BRCA2: variants seen among roughly 807,000 people sequenced by gnomAD.
The protein encoded by BRCA2 is BRCA2 DNA repair associated.
In BRCA2, 203 loss-of-function variants were observed where a neutral mutation model predicts 276.7. That is an observed-to-expected ratio of 0.73 (90% confidence interval 0.65 to 0.82). The LOEUF is 0.82. Among genes scored for constraint, BRCA2 ranks in the 40% least tolerant of loss-of-function variants. The pLI is 0.00. For synonymous variants in BRCA2, 1,289 were observed against 1,338.4 expected, an observed-to-expected ratio of 0.96 and a Z score of 0.81; for missense variants, 3,920 against 3,915.0, an observed-to-expected ratio of 1.00 and a Z score of -0.03.
In BRCA2 at chr13:32,341,055, T is replaced by C. The variant is rs769956199; in HGVS notation, c.6700T>C (p.Phe2234Leu). The C allele has an allele frequency of 6.2e-7, 1 of 1,613,962 alleles. No individual in the cohort carries two copies. The highest frequency in any genetic ancestry group is 1.7e-5 in the Admixed American group (1 of 60,026). ...AGAAGCAGTAGAAATTGCTAAAGCT[T>C]TTATGGAAGATGATGAACTGACAGA... The part of the protein sequence containing the change: ...ETEAVEIAKA[F>L]MEDDELTDSK... Residue 2234 changes from phenylalanine to leucine, a missense_variant, in exon 11 of 27, where the codon TTT becomes CTT. Physicochemically the swap from Phe to Leu is conservative, Grantham distance 22. Transcript: ENST00000380152.
In BRCA2 at chr13:32,315,536, G is replaced by A. The variant is rs780819072; in HGVS notation, c.-171G>A. 2 of 152,294 alleles carry A rather than the reference G, an allele frequency of 1.3e-5. No individual in the cohort carries two copies. The highest frequency in any genetic ancestry group is 4.8e-5 in the African/African-American group (2 of 41,476). The allele number at this position is 152,294 out of a possible 1,614,324, so 9.4% of individuals were successfully genotyped here. A position where few individuals can be genotyped will look rare whatever the true frequency, so the allele number is the denominator to read the frequency against. On this transcript the variant is annotated 5_prime_UTR_variant, in exon 1 of 27. Coordinates refer to ENST00000380152, the MANE Select transcript of BRCA2 (RefSeq NM_000059.4). ...GGCGGAGCCGCTGTGGCACTGCTGC[G>A]CCTCTGCTGCGCCTCGGGTGTCTTT...
intron 20 of BRCA2, among the ~76,000 whole-genome samples, chr13:32,371,722 A>G (rs553470835): frequency 2.0e-5 from 3 of 152,334 alleles, no homozygotes; most frequent in Admixed American, 6.5e-5. Flanking sequence ...ATTCACAGGC[A>G]TACCTCAGAG....
At position 32,321,334 on chromosome 13, in the gene BRCA2, T is replaced by A. The variant is rs188221073; in HGVS notation, c.316+2009T>A. On this transcript the variant is annotated intron_variant, in intron 3 of 26. Transcript: ENST00000380152. Reference sequence around the variant, plus strand: ...CTAAGTACTCAGTCTCGTAAGCACGTCTTGTAAGCACATCTTGGTTGCTTC... The same window carrying A: ...CTAAGTACTCAGTCTCGTAAGCACGACTTGTAAGCACATCTTGGTTGCTTC... 8.7e-3 allele frequency among the ~76,000 whole-genome samples: 1,321 copies of A among 152,294 alleles called. 38 individuals are homozygous for A. Among genetic ancestry groups the A allele is most frequent in the Admixed American group, 0.052 (795 of 15,272 alleles).
chr13:32,318,083 T>C (rs1015699926), intron 2 of BRCA2, among the ~76,000 whole-genome samples: 1 of 152,180 alleles, frequency 6.6e-6, no homozygotes, highest in African/African-American at 2.4e-5. Context: ...ATTATTACTA[T>C]TATTTTTAAC....
intron 19 of BRCA2, 147 bp downstream of exon 19, chr13:32,370,704 T>C (rs1337273294): frequency 3.1e-6 from 3 of 977,966 alleles, no homozygotes; most frequent in Non-Finnish European, 4.7e-6. Context: ...ACCTCCCGGG[T>C]TCAAGTGATT....
rs80358713 is a variant in BRCA2, at chr13:32,339,252, A to T, written c.4897A>T (p.Ile1633Phe). The part of the protein sequence containing the change: ...QTENLKTSKS[I>F]FLKVKVHENV... ...TGAAAATCTCAAAACATCAAAAAGT[A>T]TCTTTTTGAAAGTTAAAGTACATGA... The change falls in exon 11 of 27, where the codon ATC becomes TTC. Residue 1633 changes from isoleucine to phenylalanine, a missense_variant. Coordinates refer to ENST00000380152, the MANE Select transcript of BRCA2 (RefSeq NM_000059.4). 6.2e-7 allele frequency: 1 copy of T among 1,612,768 alleles called. No individual in the cohort carries two copies. Among genetic ancestry groups the T allele is most frequent in the East Asian group, 2.2e-5 (1 of 44,876 alleles).
intron 20 of BRCA2, among the ~76,000 whole-genome samples, chr13:32,372,468 G>A (rs1333256162): frequency 2.6e-5 from 4 of 152,144 alleles, no homozygotes; most frequent in Non-Finnish European, 2.9e-5. Context: ...GGCAAAGCAA[G>A]TACCCTTTTC....
In BRCA2 at chr13:32,398,796, A is replaced by T. The variant is rs1444057576; in HGVS notation, c.*26A>T. The T allele has an allele frequency of 6.2e-7, 1 of 1,611,404 alleles. No individual in the cohort carries two copies. The highest frequency in any genetic ancestry group is 2.2e-5 in the East Asian group (1 of 44,836). ...GCATTTGCAAAGGCGACAATAAATT[A>T]TTGACGCTTAACCTTTCCAGTTTAT... On this transcript the variant is annotated 3_prime_UTR_variant, in exon 27 of 27. Transcript: ENST00000380152.
In BRCA2 at chr13:32,332,790, G is replaced by A. The variant is rs765436962; in HGVS notation, c.1312G>A (p.Asp438Asn). The change falls in exon 10 of 27, where the codon GAT (aspartate) becomes AAT (asparagine). Residue 438 changes from aspartate (D) to asparagine (N), a missense_variant. By Grantham distance (23) the Asp-to-Asn change is conservative. Coordinates refer to ENST00000380152, the MANE Select transcript of BRCA2 (RefSeq NM_000059.4). ...AGACACAGAGAACAAAAGAAAGAAA[G>A]ATTTTCTTACTTCAGAGAATTCTTT... ...LLDTENKRKK[D>N]FLTSENSLPR... 1 of 1,607,568 alleles carries A rather than the reference G, an allele frequency of 6.2e-7. No homozygotes were observed. Among genetic ancestry groups the A allele is most frequent in the Non-Finnish European group, 8.5e-7 (1 of 1,178,456 alleles).
At position 32,338,131 on chromosome 13, in the gene BRCA2, GTT is replaced by G. The variant is rs397507686; in HGVS notation, c.3778_3779del (p.Leu1260IlefsTer4). ...ACTTCTGCAGAGGTACATCCAATAA[GTT>G]TATCTTCAAGTAAATGTCATGATTC... On this transcript the variant is annotated frameshift_variant, in exon 11 of 27. Coordinates refer to ENST00000380152, the MANE Select transcript of BRCA2 (RefSeq NM_000059.4). LOFTEE classifies it high-confidence loss of function. The G allele has an allele frequency of 2.5e-6, 4 of 1,605,532 alleles. No homozygotes were observed. The highest frequency in any genetic ancestry group is 3.4e-6 in the Non-Finnish European group (4 of 1,175,808).
Position 32,344,754 on chromosome 13 carries a change from A to T in BRCA2, c.6937+101A>T, listed in dbSNP as rs1356431707. ...ACCTGCCTCTCAAAGTGCTGGGATT[A>T]CAGACATGAGCCACTGTGCCTAATC... is the stretch of plus-strand genomic sequence containing the variant. On this transcript the variant is annotated intron_variant, in intron 12 of 26. Transcript: ENST00000380152. 4.8e-6 allele frequency: 4 copies of T among 840,722 alleles called. No homozygotes were observed. The African/African-American group carries it at 5.1e-5, about 11-fold the overall frequency. The allele number at this position is 840,722 out of a possible 1,614,324, so 52.1% of individuals were successfully genotyped here.
rs765435155 is a variant in BRCA2, at chr13:32,326,299, G to A, written c.516+17G>A. The A allele has an allele frequency of 6.2e-7, 1 of 1,608,402 alleles. No homozygotes were observed. The highest frequency in any genetic ancestry group is 8.5e-7 in the Non-Finnish European group (1 of 1,175,238). ...TTTGTGAAGGTAAATATTCTACCTGGTTTATTTTTATGACTTAGTAATTGA... is the reference window on the plus strand; with the variant it reads ...TTTGTGAAGGTAAATATTCTACCTGATTTATTTTTATGACTTAGTAATTGA... On this transcript the variant is annotated intron_variant, in intron 6 of 26. Coordinates refer to ENST00000380152, the MANE Select transcript of BRCA2 (RefSeq NM_000059.4).
intron 14 of BRCA2, among the ~76,000 whole-genome samples, chr13:32,355,544 G>T (rs1372970727): frequency 6.6e-6 from 1 of 152,020 alleles, no homozygotes; most frequent in Non-Finnish European, 1.5e-5. Context: ...TTTCTATCAT[G>T]CTACTAATTT....
Position 32,336,334 on chromosome 13 carries a change from C to G in BRCA2, c.1979C>G (p.Thr660Ser), listed in dbSNP as rs762591130. ...TCTGAAGAACCAACTTTGTCCTTAA[C>G]TAGCTCTTTTGGGACAATTCTGAGG... Reference protein sequence around the residue: ...NDSEEPTLSLTSSFGTILRKC... With the variant: ...NDSEEPTLSLSSSFGTILRKC... The change falls in exon 11 of 27, where the codon ACT (threonine) becomes AGT (serine). Residue 660 changes from threonine (T) to serine (S), a missense_variant. This residue lies in a region of BRCA2 where 3,263 missense variants were observed against 3,156.9 expected (regional missense o/e 1.03). Transcript: ENST00000380152. The G allele has an allele frequency of 6.2e-7, 1 of 1,605,166 alleles. No homozygotes were observed. Among genetic ancestry groups the G allele is most frequent in the African/African-American group, 1.3e-5 (1 of 74,478 alleles).
rs730881555 is a variant in BRCA2, at chr13:32,356,428, A to G, written c.7436A>G (p.Asp2479Gly). 1.2e-6 allele frequency: 2 copies of G among 1,612,456 alleles called. No homozygotes were observed. Among genetic ancestry groups the G allele is most frequent in the Non-Finnish European group, 8.5e-7 (1 of 1,178,492 alleles). ...TTGCTAAGTATTTATTCTTTGATAG[A>G]TTTAATTACAAGTCTTCAGAATGCC... The part of the protein sequence containing the change: ...TFTKCEEEPL[D>G]LITSLQNARD... The change falls in exon 15 of 27, where the codon GAT (aspartate) becomes GGT (glycine). Residue 2479 changes from aspartate to glycine, a missense_variant and splice_region_variant. By Grantham distance (94) the Asp-to-Gly change is moderately conservative. This residue lies in a region of BRCA2 where 3,263 missense variants were observed against 3,156.9 expected (regional missense o/e 1.03). Coordinates refer to ENST00000380152, the MANE Select transcript of BRCA2 (RefSeq NM_000059.4).
In BRCA2 at chr13:32,379,532, T is replaced by G; in HGVS notation, c.8953+17T>G. ...AAGATTCAGGTAAGTATGTAAATGC[T>G]TTGTTTTTATCAGTTTTATTAACTT... On this transcript the variant is annotated intron_variant, in intron 22 of 26. Coordinates refer to ENST00000380152, the MANE Select transcript of BRCA2 (RefSeq NM_000059.4). 1 of 1,608,876 alleles carries G rather than the reference T, an allele frequency of 6.2e-7. No homozygotes were observed. Among genetic ancestry groups the G allele is most frequent in the Non-Finnish European group, 8.5e-7 (1 of 1,177,614 alleles).
intron 20 of BRCA2, among the ~76,000 whole-genome samples, chr13:32,373,198 G>T (rs541434459): frequency 1.7e-3 from 264 of 151,834 alleles, no homozygotes; most frequent in African/African-American, 6.1e-3. Context: ...CACCATGTTG[G>T]CCAGGCTAGT....
rs431825281 is a variant in BRCA2, at chr13:32,332,899, T to C, written c.1421T>C (p.Leu474Pro). Reference protein sequence around the residue: ...VVNKRDEEQHLESHTDCILAV... With the variant: ...VVNKRDEEQHPESHTDCILAV... ...AATAAGAGAGATGAAGAGCAGCATC[T>C]TGAATCTCATACAGACTGCATTCTT... The change falls in exon 10 of 27, where the codon CTT becomes CCT. Residue 474 changes from leucine (L) to proline (P), a missense_variant. By Grantham distance (98) the Leu-to-Pro change is moderately conservative (BLOSUM62 -3). Coordinates refer to ENST00000380152, the MANE Select transcript of BRCA2 (RefSeq NM_000059.4). The C allele has an allele frequency of 6.2e-7, 1 of 1,610,958 alleles. No individual in the cohort carries two copies. Among genetic ancestry groups the C allele is most frequent in the Admixed American group, 1.7e-5 (1 of 59,346 alleles).
intron 11 of BRCA2, among the ~76,000 whole-genome samples, chr13:32,344,023 T>C (rs905005765): frequency 6.2e-4 from 94 of 152,222 alleles, no homozygotes; most frequent in Non-Finnish European, 8.8e-5. Context: ...TCTTACCCTC[T>C]TAGCCTCTGT....
Sources: gnomAD v4.1 joint callset for allele counts (sites outside exome capture counted in the v4.1 genomes callset) on GRCh38, gnomAD v4.1.1 for gene constraint, gnomAD v4.1.1 regional missense constraint, MANE v1.5 for transcripts, NCBI Gene and HGNC (gene_info 2026-07-23, HGNC 2026-07-21) for gene names.